TONSL: variants seen among roughly 807,000 people sequenced by gnomAD.
TONSL encodes the protein tonsoku like, DNA repair protein.
TONSL carries 112 observed loss-of-function variants against 147.1 expected under a neutral mutation model. That is an observed-to-expected ratio of 0.76 (90% confidence interval 0.65 to 0.89). The LOEUF is 0.89. TONSL is among the 40% of genes least tolerant of loss of function. TONSL has a pLI of 0.00. For missense variants in TONSL, 1,883 were observed against 1,864.6 expected (o/e 1.01, Z -0.18); for synonymous variants, 868 against 801.5 (o/e 1.08, Z -1.40).
At chr8:144,438,341 C>G in intron 13 of TONSL, 130 bp downstream of exon 13, 1 of 865,666 alleles carries the variant, frequency 1.2e-6, no homozygotes, top group Non-Finnish European at 1.8e-6. Context: ...CAGGCAAGTG[C>G]CACCATGCTT....
At chr8:144,437,495 G>A (rs1464655422) in intron 13 of TONSL, among the ~76,000 whole-genome samples, 1 of 151,132 alleles carries the variant, frequency 6.6e-6, no homozygotes, top group Non-Finnish European at 1.5e-5. Flanking sequence ...TTTTTTTTGA[G>A]ACCAGCCAGG....
At position 144,436,107 on chromosome 8, in the gene TONSL, G is replaced by A; in HGVS notation, c.2326C>T (p.Pro776Ser). 6.4e-7 allele frequency: 1 copy of A among 1,558,456 alleles called. No homozygotes were observed. The highest frequency in any genetic ancestry group is 8.6e-7 in the Non-Finnish European group (1 of 1,158,804). Residue 776 changes from proline (P) to serine (S), a missense_variant, in exon 17 of 26, where the codon CCC becomes TCC. Transcript: ENST00000409379. ...AQRVAAWTPGPASNREAATAS... is the reference protein window; with the variant it reads ...AQRVAAWTPGSASNREAATAS... ...GTGGCTGCTTCCCTGTTGCTGGCGG[G>A]GCCAGGCGTCCAGGCTGCCACCCGT...
chr8:144,439,639 T>G (rs1823624017), intron 11 of TONSL, among the ~76,000 whole-genome samples: 1 of 152,236 alleles, frequency 6.6e-6, no homozygotes, highest in Non-Finnish European at 1.5e-5. Context: ...GTGCAGCTGA[T>G]GTCGCCAGCC....
In TONSL at chr8:144,432,657, G is replaced by A. The variant is rs868953542; in HGVS notation, c.3560-197C>T. Reference sequence around the variant, plus strand: ...AGGGCGGGGCCAGACTTCCAAGCTCGGCTGCCCCCAGTTCTGGACAACTTG... The same window carrying A: ...AGGGCGGGGCCAGACTTCCAAGCTCAGCTGCCCCCAGTTCTGGACAACTTG... On this transcript the variant is annotated intron_variant, in intron 22 of 25. Transcript: ENST00000409379. 1.1e-4 allele frequency: 60 copies of A among 525,414 alleles called. 1 individual carries two copies. The highest frequency in any genetic ancestry group is 5.1e-4 in the Middle Eastern group (1 of 1,976). The allele number at this position is 525,414 out of a possible 1,614,324, so 32.5% of individuals were successfully genotyped here.
intron 4 of TONSL, 35 bp from the exon 5 acceptor site, chr8:144,442,841 C>G (rs1000246275): frequency 6.3e-7 from 1 of 1,595,266 alleles, no homozygotes; most frequent in Non-Finnish European, 8.5e-7. Context: ...CAGCCACTTC[C>G]TCCCCACATG....
intron 23 of TONSL, among the ~76,000 whole-genome samples, chr8:144,431,977 G>A (rs1201043012): frequency 3.3e-5 from 5 of 151,694 alleles, no homozygotes; most frequent in Admixed American, 6.6e-5. Context: ...ACAGGTACCC[G>A]CCACCACGCC....
intron 11 of TONSL, among the ~76,000 whole-genome samples, chr8:144,439,354 C>T (rs1270630288): frequency 6.6e-6 from 1 of 152,132 alleles, no homozygotes; most frequent in Non-Finnish European, 1.5e-5. Flanking sequence ...TGATCCACCT[C>T]CCCCCAGCAA....
chr8:144,441,193 G>A (rs898292715), intron 7 of TONSL, 82 bp from the exon 8 acceptor site: 1 of 1,556,310 alleles, frequency 6.4e-7, no homozygotes, highest in East Asian at 2.3e-5. Context: ...TGAGCCCTGT[G>A]GTGGCCCCCC....
chr8:144,438,356 A>C, intron 13 of TONSL, 115 bp downstream of exon 13: 12 of 1,043,494 alleles, frequency 1.1e-5, no homozygotes, highest in South Asian at 1.5e-5. Context: ...ATGCTTGCTA[A>C]GGGGCCCCAT....
intron 9 of TONSL, 103 bp downstream of exon 9, chr8:144,440,615 T>A (rs2129681685): frequency 6.5e-7 from 1 of 1,532,186 alleles, no homozygotes; most frequent in East Asian, 2.3e-5. Flanking sequence ...AGGAAGGAGC[T>A]GCCCGTCCAG....
chr8:144,436,818 T>C lies in TONSL; in HGVS notation c.1829A>G (p.His610Arg). The change falls in exon 15 of 26, where the codon CAC becomes CGC. Residue 610 changes from histidine to arginine, a missense_variant. By Grantham distance (29) the His-to-Arg change is conservative (BLOSUM62 0). Coordinates refer to ENST00000409379, the MANE Select transcript of TONSL (RefSeq NM_013432.5). ...AAGCAGCAGCTCAGCCACCTCGAAG[T>C]GGCCACAGTTGAGGGCATCGTGGAG... ...TPLHDALNCG[H>R]FEVAELLLER... The C allele has an allele frequency of 6.2e-7, 1 of 1,611,424 alleles. No individual in the cohort carries two copies. Among genetic ancestry groups the C allele is most frequent in the Non-Finnish European group, 8.5e-7 (1 of 1,179,928 alleles).
In TONSL at chr8:144,437,031, A is replaced by T; in HGVS notation, c.1722T>A (p.His574Gln). 2 of 1,613,266 alleles carry T rather than the reference A, an allele frequency of 1.2e-6. No homozygotes were observed. The highest frequency in any genetic ancestry group is 1.7e-6 in the Non-Finnish European group (2 of 1,179,944). Residue 574 changes from histidine (H) to glutamine (Q), a missense_variant, in exon 14 of 26, where the codon CAT becomes CAA. Physicochemically the swap from His to Gln is conservative, Grantham distance 24. Transcript: ENST00000409379. ...TPLHEACNYG[H>Q]LEIVRFLLDH... ...CTCCTTCTGTCCCTTGCTCACCTAG[A>T]TGCCCGTAGTTGCAGGCCTCGTGCA...
chr8:144,435,193 G>C (rs1276519462), intron 18 of TONSL, 23 bp from the exon 19 acceptor site: 2 of 1,486,080 alleles, frequency 1.3e-6, no homozygotes, highest in Non-Finnish European at 1.8e-6. Flanking sequence ...AGGCGCTGCT[G>C]CTGCTGCCTG....
Position 144,429,232 on chromosome 8 carries a change from C to T in TONSL, c.4048G>A (p.Asp1350Asn). 7 of 1,535,516 alleles carry T rather than the reference C, an allele frequency of 4.6e-6. No homozygotes were observed. Among genetic ancestry groups the T allele is most frequent in the Non-Finnish European group, 6.1e-6 (7 of 1,144,356 alleles). Residue 1350 changes from aspartate to asparagine, a missense_variant, in exon 26 of 26, where the codon GAC becomes AAC. Coordinates refer to ENST00000409379, the MANE Select transcript of TONSL (RefSeq NM_013432.5). ...CTGGGCTGCAGCTGGCGCAGGGCGT[C>T]CCTGTCCTCAGCGCAGAGGCGTCTG... is the stretch of plus-strand genomic sequence containing the variant. ...CSRRLCAEDR[D>N]ALRQLQPSRP...
In TONSL at chr8:144,437,069, C is replaced by T; in HGVS notation, c.1684G>A (p.Gly562Ser). The T allele has an allele frequency of 6.2e-7, 1 of 1,613,246 alleles. No homozygotes were observed. The highest frequency in any genetic ancestry group is 8.5e-7 in the Non-Finnish European group (1 of 1,180,006). Reference protein sequence around the residue: ...GHPLNPRDYCGWTPLHEACNY... With the variant: ...GHPLNPRDYCSWTPLHEACNY... Reference sequence around the variant, plus strand: ...CAGGCCTCGTGCAGAGGTGTCCAGCCACAGTAGTCCCGAGGGTTAAGGGGG... The same window carrying T: ...CAGGCCTCGTGCAGAGGTGTCCAGCTACAGTAGTCCCGAGGGTTAAGGGGG... The change falls in exon 14 of 26, where the codon GGC becomes AGC. Residue 562 changes from glycine (G) to serine (S), a missense_variant. Coordinates refer to ENST00000409379, the MANE Select transcript of TONSL (RefSeq NM_013432.5).
intron 3 of TONSL, among the ~76,000 whole-genome samples, chr8:144,443,628 C>T (rs1244837372): frequency 6.6e-6 from 1 of 152,240 alleles, no homozygotes; most frequent in Non-Finnish European, 1.5e-5. Flanking sequence ...GGCCTGACCT[C>T]CCCCAACACA....
intron 11 of TONSL, among the ~76,000 whole-genome samples, chr8:144,439,186 C>G (rs537453507): frequency 1.5e-4 from 23 of 152,284 alleles, no homozygotes; most frequent in African/African-American, 5.3e-4. Flanking sequence ...ACCTTGCAGC[C>G]TCCACCCTGC....
At chr8:144,435,288 A>G (rs1301479239) in intron 18 of TONSL, 118 bp from the exon 19 acceptor site, 1 of 1,367,618 alleles carries the variant, frequency 7.3e-7, no homozygotes, top group African/African-American at 1.5e-5. Context: ...ATTCCCAGGT[A>G]GCCGGCCCCT....
At chr8:144,434,390 G>A (rs1823347404) in intron 20 of TONSL, 111 bp from the exon 21 acceptor site, 1 of 977,098 alleles carries the variant, frequency 1.0e-6, no homozygotes, top group South Asian at 1.9e-5. Context: ...TCACCCACCA[G>A]ACTTGCTGTA....
Sources: allele counts gnomAD v4.1 joint callset (sites outside exome capture counted in the v4.1 genomes callset), GRCh38; gene constraint gnomAD v4.1.1; transcripts MANE v1.5; gene names NCBI Gene and HGNC (gene_info 2026-07-23, HGNC 2026-07-21).